BFAR: variants seen among roughly 807,000 people sequenced by gnomAD.
BFAR encodes the protein RING finger protein 47.
A neutral mutation model predicts 54.4 loss-of-function variants in BFAR; 52 were observed. The observed-to-expected ratio is 0.96, with a 90% CI of 0.77 to 1.21. The LOEUF is 1.21. Ranked by LOEUF, BFAR falls within the 50% of genes most tolerant of loss-of-function variation. The probability of loss-of-function intolerance (pLI) is 0.00; values close to 1 mark genes in which losing one functional copy is unlikely to be tolerated. For missense variants in BFAR, 571 were observed against 534.0 expected (o/e 1.07, Z -0.68); for synonymous variants, 215 against 204.3 (o/e 1.05, Z -0.45).
At chr16:14,637,170 C>G (rs1487659786) in intron 1 of BFAR, among the ~76,000 whole-genome samples, 1 of 147,780 alleles carries the variant, frequency 6.8e-6, no homozygotes, top group East Asian at 2.1e-4. Flanking sequence ...CTAACAGCTA[C>G]CAGCTAGAGT....
At chr16:14,651,051 TCTC>T (rs1395668348) in intron 4 of BFAR, among the ~76,000 whole-genome samples, 3 of 152,240 alleles carry the variant, frequency 2.0e-5, no homozygotes, top group African/African-American at 4.8e-5. Flanking sequence ...TATGTGGGGT[TCTC>T]CTGCACACAC....
In BFAR at chr16:14,655,211, G is replaced by A. The variant is rs747461001; in HGVS notation, c.783+1G>A. On this transcript the variant is annotated splice_donor_variant, in intron 5 of 7. Coordinates refer to ENST00000261658, the MANE Select transcript of BFAR (RefSeq NM_016561.3). LOFTEE classifies it high-confidence loss of function. ...CCCCCAGAATCTCTGGGAATATAAG[G>A]TGAACACTTTAATTTTTTTTTTTTT... The A allele has an allele frequency of 2.1e-6, 3 of 1,407,702 alleles. No individual in the cohort carries two copies. The highest frequency in any genetic ancestry group is 3.6e-5 in the South Asian group (2 of 54,912). 87.2% of individuals were successfully genotyped at this position (1,407,702 alleles called of 1,614,324 possible).
At chr16:14,634,219 C>G (rs550589110) in intron 1 of BFAR, among the ~76,000 whole-genome samples, 1 of 152,322 alleles carries the variant, frequency 6.6e-6, no homozygotes, top group South Asian at 2.1e-4. Context: ...CTTCCCAGGA[C>G]ACACCCCCGA....
At position 14,668,521 on chromosome 16, in the gene BFAR, G is replaced by C. The variant is rs191958308; in HGVS notation, c.*694G>C. On this transcript the variant is annotated 3_prime_UTR_variant, in exon 8 of 8. Transcript: ENST00000261658. ...GAATGGAGAGATTGAGAGGGATGTC[G>C]GGCAGTTCCCATTAGATTTAGTGGC... is the stretch of plus-strand genomic sequence containing the variant. The C allele has an allele frequency of 6.6e-6, 1 of 152,440 alleles. No homozygotes were observed. Among genetic ancestry groups the C allele is most frequent in the Non-Finnish European group, 1.5e-5 (1 of 68,332 alleles). The allele number at this position is 152,440 out of a possible 1,614,324, so 9.4% of individuals were successfully genotyped here.
chr16:14,653,029 G>T (rs543644773), intron 4 of BFAR, among the ~76,000 whole-genome samples: 1 of 152,036 alleles, frequency 6.6e-6, no homozygotes, highest in Non-Finnish European at 1.5e-5. Context: ...GCTTTATATA[G>T]AAATTCACCT....
chr16:14,646,480 G>T (rs904109261), intron 2 of BFAR, among the ~76,000 whole-genome samples: 1 of 151,396 alleles, frequency 6.6e-6, no homozygotes, highest in African/African-American at 2.4e-5. Context: ...GAGCCACTGT[G>T]CCTGGCCAAA....
intron 2 of BFAR, among the ~76,000 whole-genome samples, chr16:14,647,177 C>G (rs1027104825): frequency 6.6e-6 from 1 of 151,952 alleles, no homozygotes; most frequent in African/African-American, 2.4e-5. Flanking sequence ...CTCCTCCTCC[C>G]AGGTTCAAGC....
At chr16:14,653,408 A>G (rs917636727) in intron 4 of BFAR, among the ~76,000 whole-genome samples, 15 of 151,842 alleles carry the variant, frequency 9.9e-5, no homozygotes, top group Non-Finnish European at 2.9e-5. Flanking sequence ...GCTCACTGCA[A>G]CCTTCACCTC....
intron 7 of BFAR, among the ~76,000 whole-genome samples, chr16:14,665,920 G>A (rs543364888): frequency 4.6e-5 from 7 of 152,214 alleles, no homozygotes; most frequent in Admixed American, 2.0e-4. Context: ...AACCAACTAG[G>A]ATAATAATAA....
chr16:14,646,029 C>T (rs752253232), intron 2 of BFAR, among the ~76,000 whole-genome samples: 2 of 151,986 alleles, frequency 1.3e-5, no homozygotes, highest in Non-Finnish European at 2.9e-5. Flanking sequence ...CTACCACGCC[C>T]AGCTAATTTT....
rs1960502464 is a variant in BFAR, at chr16:14,668,369, A to C, written c.*542A>C. On this transcript the variant is annotated 3_prime_UTR_variant, in exon 8 of 8. Coordinates refer to ENST00000261658, the MANE Select transcript of BFAR (RefSeq NM_016561.3). Reference sequence around the variant, plus strand: ...TCAATCAACAATTCTGTCTTATTGAAGAGTTGCTAGGATTCAGAGTAAAAC... The same window carrying C: ...TCAATCAACAATTCTGTCTTATTGACGAGTTGCTAGGATTCAGAGTAAAAC... The C allele has an allele frequency of 6.5e-6, 1 of 153,414 alleles. No individual in the cohort carries two copies. The highest frequency in any genetic ancestry group is 2.4e-5 in the African/African-American group (1 of 41,468). 9.5% of individuals were successfully genotyped at this position (153,414 alleles called of 1,614,324 possible).
chr16:14,647,609 G>A (rs949565184), intron 2 of BFAR, among the ~76,000 whole-genome samples: 10 of 151,858 alleles, frequency 6.6e-5, no homozygotes, highest in South Asian at 2.1e-4. Flanking sequence ...TGAAGGACAC[G>A]GAGGTTGCGG....
intron 7 of BFAR, chr16:14,667,318 G>A: frequency 3.1e-6 from 1 of 325,024 alleles, no homozygotes; most frequent in East Asian, 5.2e-5. Flanking sequence ...TCCCAGGCTG[G>A]ACAAAGGAAT....
chr16:14,649,070 CTT>C (rs544187036), intron 3 of BFAR, among the ~76,000 whole-genome samples: 1,074 of 104,366 alleles, frequency 0.01, no homozygotes, highest in Non-Finnish European at 0.013. Context: ...ATCTCTTGCT[CTT>C]TTTTTTTTTT....
Position 14,644,467 on chromosome 16 carries a change from C to G in BFAR, c.121C>G (p.Leu41Val). The change falls in exon 2 of 8, where the codon CTG (leucine) becomes GTG (valine). Residue 41 changes from leucine (L) to valine (V), a missense_variant. Coordinates refer to ENST00000261658, the MANE Select transcript of BFAR (RefSeq NM_016561.3). ...EFSCHCCYDI[L>V]VNPTTLNCGH... Reference sequence around the variant, plus strand: ...TTCTTGCCACTGCTGCTACGACATCCTGGTTAACCCCACCACCTTGAACTG... The same window carrying G: ...TTCTTGCCACTGCTGCTACGACATCGTGGTTAACCCCACCACCTTGAACTG... The G allele has an allele frequency of 6.2e-7, 1 of 1,614,120 alleles. No homozygotes were observed.
intron 5 of BFAR, among the ~76,000 whole-genome samples, chr16:14,660,840 G>T (rs1437903352): frequency 6.6e-6 from 1 of 151,890 alleles, no homozygotes; most frequent in Admixed American, 6.6e-5. Flanking sequence ...GGTAGACGTT[G>T]CAGTGAGCCA....
chr16:14,650,736 C>G (rs1229291284), intron 4 of BFAR: 3 of 152,190 alleles, frequency 2.0e-5, no homozygotes, highest in East Asian at 3.9e-4. Context: ...TTTATCCATT[C>G]ATTGGTTGAT....
chr16:14,659,592 C>G (rs1243980604), intron 5 of BFAR, among the ~76,000 whole-genome samples: 1 of 150,734 alleles, frequency 6.6e-6, no homozygotes, highest in Non-Finnish European at 1.5e-5. Context: ...ACTCTGTCGC[C>G]CAGGCTGGAG....
intron 5 of BFAR, among the ~76,000 whole-genome samples, chr16:14,656,750 C>T (rs35935863): frequency 0.65 from 98,166 of 151,984 alleles, 33,134 homozygotes; most frequent in South Asian, 0.75. Context: ...GTTGAATAAA[C>T]AAGGCACACC....
Sources: allele counts gnomAD v4.1 joint callset (sites outside exome capture counted in the v4.1 genomes callset), GRCh38; gene constraint gnomAD v4.1.1; transcripts MANE v1.5; gene names NCBI Gene and HGNC (gene_info 2026-07-23, HGNC 2026-07-21).